Variants in LDB3 observed in about 807,000 individuals in gnomAD.
LDB3 encodes the protein LIM domain-binding protein 3.
LDB3 carries 49 observed loss-of-function variants against 69.0 expected under a neutral mutation model. The ratio of observed to expected loss-of-function variants is 0.71; its 90% CI spans 0.56 to 0.90. LDB3 has a LOEUF of 0.90. Among genes scored for constraint, LDB3 ranks in the 40% least tolerant of loss-of-function variants. The pLI is 0.00. For synonymous variants in LDB3, 387 were observed against 396.2 expected (o/e 0.98, Z 0.28); for missense variants, 928 against 974.1 (o/e 0.95, Z 0.63).
At chr10:86,676,882 C>A (rs1844823140) in intron 2 of LDB3, among the ~76,000 whole-genome samples, 1 of 152,252 alleles carries the variant, frequency 6.6e-6, no homozygotes, top group African/African-American at 2.4e-5. Context: ...CAGAGCCTGG[C>A]CAGAGGCCCA....
chr10:86,672,707 A>G (rs992134927), intron 2 of LDB3, among the ~76,000 whole-genome samples: 1 of 152,226 alleles, frequency 6.6e-6, no homozygotes, highest in Admixed American at 6.5e-5. Flanking sequence ...GAGGTCCCCC[A>G]GGCCAGGTCC....
At position 86,699,593 on chromosome 10, in the gene LDB3, G is replaced by C; in HGVS notation, c.897-6938G>C. The C allele has an allele frequency of 7.1e-7, 1 of 1,407,470 alleles. No homozygotes were observed. Among genetic ancestry groups the C allele is most frequent in the Middle Eastern group, 2.7e-4 (1 of 3,764 alleles). 87.2% of individuals were successfully genotyped at this position (1,407,470 alleles called of 1,614,324 possible). A position where few individuals can be genotyped will look rare whatever the true frequency, so the allele number is the denominator to read the frequency against. On this transcript the variant is annotated intron_variant, in intron 7 of 13. Transcript: ENST00000361373. This position sits in a 1 kb window ranked among gnomAD's most constrained non-coding sequence, Gnocchi z 4.9. ...CTCTGTACCCACCAAACCTCCCCAG[G>C]GCAACCCTCGCCACCCCCCAAATAG...
chr10:86,701,397 C>T (rs933323736), intron 7 of LDB3, among the ~76,000 whole-genome samples: 7 of 152,328 alleles, frequency 4.6e-5, no homozygotes, highest in African/African-American at 1.7e-4. Context: ...TCTCTTGGAG[C>T]CACCTAGTTG....
intron 5 of LDB3, among the ~76,000 whole-genome samples, chr10:86,687,576 A>G (rs1354901666): frequency 2.0e-5 from 3 of 152,260 alleles, no homozygotes; most frequent in African/African-American, 7.2e-5. Context: ...AGACTTCTAC[A>G]GTCCTCTTAA....
At chr10:86,673,361 C>A (rs181522926) in intron 2 of LDB3, among the ~76,000 whole-genome samples, 1 of 152,120 alleles carries the variant, frequency 6.6e-6, no homozygotes, top group African/African-American at 2.4e-5. Flanking sequence ...CAAAGGCAGA[C>A]GGCTGTGTGT....
intron 5 of LDB3, among the ~76,000 whole-genome samples, chr10:86,688,354 C>T (rs369619511): frequency 3.3e-5 from 5 of 152,276 alleles, no homozygotes; most frequent in African/African-American, 7.2e-5. Context: ...GACCCCAGCC[C>T]TTGTGGCCAT....
At chr10:86,704,834 G>A (rs574791676) in intron 7 of LDB3, among the ~76,000 whole-genome samples, 9 of 151,888 alleles carry the variant, frequency 5.9e-5, no homozygotes, top group Middle Eastern at 3.4e-3. Flanking sequence ...CGCCCACCTC[G>A]GCCTCCCAAA....
chr10:86,692,618 C>T (rs779540731), intron 7 of LDB3, 47 bp downstream of exon 7: 3 of 1,572,246 alleles, frequency 1.9e-6, no homozygotes, highest in Non-Finnish European at 1.8e-6. Flanking sequence ...CTAGCCCCGT[C>T]CCTCCCCGGG....
At chr10:86,720,404 G>A (rs560841850) in intron 12 of LDB3, among the ~76,000 whole-genome samples, 10 of 151,310 alleles carry the variant, frequency 6.6e-5, no homozygotes, top group African/African-American at 9.7e-5. Context: ...AGATACTGCC[G>A]TTGCACTCCA....
intron 9 of LDB3, among the ~76,000 whole-genome samples, chr10:86,710,769 G>A (rs1006822247): frequency 6.6e-6 from 1 of 152,230 alleles, no homozygotes; most frequent in Non-Finnish European, 1.5e-5. Flanking sequence ...GCTTCGGGGC[G>A]CTGGTTCATG....
chr10:86,711,086 A>G (rs969116403), intron 9 of LDB3, among the ~76,000 whole-genome samples: 1 of 152,208 alleles, frequency 6.6e-6, no homozygotes, highest in African/African-American at 2.4e-5. Flanking sequence ...CAGTGGGAAG[A>G]GGCTGCCCCT....
At chr10:86,710,787 C>A (rs962919257) in intron 9 of LDB3, among the ~76,000 whole-genome samples, 2 of 152,216 alleles carry the variant, frequency 1.3e-5, no homozygotes, top group Non-Finnish European at 2.9e-5. Flanking sequence ...ATGAAGCTCG[C>A]TCTGACAGCA....
chr10:86,687,093 C>A lies in LDB3; in HGVS notation c.690-4803C>A, dbSNP rs751576160. 3.1e-6 allele frequency: 5 copies of A among 1,614,150 alleles called. No homozygotes were observed. Among genetic ancestry groups the A allele is most frequent in the Non-Finnish European group, 4.2e-6 (5 of 1,179,998 alleles). ...GCGCCGACTACCAGGAACGCTTCAA[C>A]CCCAGTGCCCTGAAGGACTCGGCCC... is the stretch of plus-strand genomic sequence containing the variant. On this transcript the variant is annotated intron_variant, in intron 5 of 13. Transcript: ENST00000361373.
intron 9 of LDB3, among the ~76,000 whole-genome samples, chr10:86,711,947 A>C (rs1186285347): frequency 6.6e-6 from 1 of 152,064 alleles, no homozygotes; most frequent in African/African-American, 2.4e-5. Flanking sequence ...GAACTTGCCA[A>C]TTAGAGATGA....
chr10:86,692,473 C>T (rs538252209), intron 6 of LDB3, 62 bp from the exon 7 acceptor site: 41 of 1,544,354 alleles, frequency 2.7e-5, no homozygotes, highest in Non-Finnish European at 3.7e-5. Flanking sequence ...CCCACAGAGC[C>T]CCAGCAGCTT....
At chr10:86,706,415 A>G in intron 7 of LDB3, 116 bp from the exon 8 acceptor site, 1 of 1,089,490 alleles carries the variant, frequency 9.2e-7, no homozygotes, top group Non-Finnish European at 1.4e-6. Flanking sequence ...TTTGCAAGGC[A>G]GGTGGAGCTT....
chr10:86,702,785 A>C (rs1168025193), intron 7 of LDB3, among the ~76,000 whole-genome samples: 1 of 152,090 alleles, frequency 6.6e-6, no homozygotes, highest in Admixed American at 6.5e-5. Flanking sequence ...CTGGAATAAG[A>C]GCCCAAGATC....
At chr10:86,730,055 C>T (rs1847400672) in intron 13 of LDB3, among the ~76,000 whole-genome samples, 1 of 152,132 alleles carries the variant, frequency 6.6e-6, no homozygotes, top group Non-Finnish European at 1.5e-5. Context: ...ATCACTGCAT[C>T]CACCTGGGAT....
intron 7 of LDB3, among the ~76,000 whole-genome samples, chr10:86,693,532 T>G (rs1391496280): frequency 4.6e-5 from 7 of 152,326 alleles, no homozygotes; most frequent in Non-Finnish European, 8.8e-5. Context: ...CTTAGACTTG[T>G]GGATTTTATT....
Sources: allele counts gnomAD v4.1 joint callset (sites outside exome capture counted in the v4.1 genomes callset), GRCh38; gene constraint gnomAD v4.1.1; non-coding constraint Gnocchi (gnomAD v3.1); transcripts MANE v1.5; gene names NCBI Gene and HGNC (gene_info 2026-07-23, HGNC 2026-07-21).